SPATA21: variants seen among roughly 807,000 people sequenced by gnomAD.
The protein encoded by SPATA21 is spermatogenesis associated 21, also known as spermatogenesis-associated protein 21.
SPATA21 carries 47 observed loss-of-function variants against 54.8 expected under a neutral mutation model. The ratio of observed to expected loss-of-function variants is 0.86; its 90% CI spans 0.68 to 1.09. The LOEUF (loss-of-function observed/expected upper bound fraction) is 1.09, where lower values mean the gene tolerates loss of function less well. Among genes scored for constraint, SPATA21 ranks in the 50% least tolerant of loss-of-function variants. The pLI, the probability that SPATA21 is intolerant of heterozygous loss-of-function variation, is 0.00. For synonymous variants in SPATA21, 245 were observed against 235.3 expected, an observed-to-expected ratio of 1.04 and a Z score of -0.38; for missense variants, 599 against 596.4, an observed-to-expected ratio of 1.00 and a Z score of -0.05.
intron 5 of SPATA21, among the ~76,000 whole-genome samples, chr1:16,420,197 T>C (rs75199830): frequency 0.031 from 4,683 of 152,018 alleles, 213 homozygotes; most frequent in African/African-American, 0.1. Flanking sequence ...TCTTCTGCTG[T>C]TGCGAGGTGG....
At chr1:16,422,445 G>A (rs2086199004) in intron 3 of SPATA21, among the ~76,000 whole-genome samples, 1 of 152,036 alleles carries the variant, frequency 6.6e-6, no homozygotes, top group Admixed American at 6.6e-5. Context: ...TATGGGAGTG[G>A]AATGAGAGCC....
In SPATA21 at chr1:16,400,951, C is replaced by G; in HGVS notation, c.1002-59G>C. The G allele has an allele frequency of 9.0e-6, 14 of 1,562,302 alleles. No individual in the cohort carries two copies. In the South Asian group the frequency reaches 1.7e-4, roughly 19 times the overall value. On this transcript the variant is annotated intron_variant, in intron 10 of 12. Transcript: ENST00000335496. ...CTGTGTTTAATTCACCCTTCTCCTC[C>G]TCAGCCCCTATCTCTCTGGCCAGCT...
In SPATA21 at chr1:16,404,129, TG is replaced by T. The variant is rs2085552672; in HGVS notation, c.812-91del. 6 of 1,097,370 alleles carry T rather than the reference TG, an allele frequency of 5.5e-6. No homozygotes were observed. In the Admixed American group the frequency reaches 1.2e-4, roughly 22 times the overall value. The allele number at this position is 1,097,370 out of a possible 1,614,324, so 68.0% of individuals were successfully genotyped here. On this transcript the variant is annotated intron_variant, in intron 8 of 12. Transcript: ENST00000335496. ...GGCGTGGTTATTAGAAGTCACTGTC[TG>T]GGTCTGATTATCAAGCAGTGCATAC...
At chr1:16,424,232 G>C (rs1264384143) in intron 3 of SPATA21, among the ~76,000 whole-genome samples, 2 of 115,622 alleles carry the variant, frequency 1.7e-5, no homozygotes, top group Admixed American at 9.2e-5. Context: ...AGAATGGCAT[G>C]AACCTGGGAG....
chr1:16,427,078 A>C (rs2086344089), intron 3 of SPATA21, among the ~76,000 whole-genome samples: 1 of 152,184 alleles, frequency 6.6e-6, no homozygotes, highest in South Asian at 2.1e-4. Flanking sequence ...ATAATGTGAC[A>C]GTGAAAGTCT....
chr1:16,421,895 C>T lies in SPATA21; in HGVS notation c.95+16G>A. 6.2e-7 allele frequency: 1 copy of T among 1,614,204 alleles called. No homozygotes were observed. The highest frequency in any genetic ancestry group is 8.5e-7 in the Non-Finnish European group (1 of 1,180,036). ...TCCTTGTTGGGGGCAGGGGATGGCA[C>T]TGGATGATGACTTACCCTCCTTTTG... On this transcript the variant is annotated intron_variant, in intron 4 of 12. Transcript: ENST00000335496. This position sits in a 1 kb window ranked among gnomAD's most constrained non-coding sequence, Gnocchi z 5.2.
At chr1:16,397,915 CAAG>C (rs533340330), downstream of SPATA21, 362 of 491,490 alleles carry the variant, frequency 7.4e-4, 1 homozygote, top group African/African-American at 6.8e-3. This position sits in a 1 kb window ranked among gnomAD's most constrained non-coding sequence, Gnocchi z 5.4. Context: ...AGCAGAGACT[CAAG>C]AAACCTCTGG....
intron 3 of SPATA21, among the ~76,000 whole-genome samples, chr1:16,426,446 A>C: frequency 6.8e-6 from 1 of 146,818 alleles, no homozygotes; most frequent in East Asian, 2.1e-4. Flanking sequence ...TTTTGTAGAG[A>C]TGGGGTTTCA....
At chr1:16,429,453 A>G (rs1263465817) in intron 3 of SPATA21, among the ~76,000 whole-genome samples, 1 of 149,998 alleles carries the variant, frequency 6.7e-6, no homozygotes, top group Non-Finnish European at 1.5e-5. Context: ...ATTGTATTGT[A>G]TTTTATTTAT....
chr1:16,409,719 G>T lies in SPATA21; in HGVS notation c.469C>A (p.Pro157Thr), dbSNP rs142573478. The change falls in exon 6 of 13, where the codon CCG becomes ACG. Residue 157 changes from proline (P) to threonine (T), a missense_variant. Transcript: ENST00000335496. This position sits in a 1 kb window ranked among gnomAD's most constrained non-coding sequence, Gnocchi z 4.1. ...GGGCAAGGCATGGAGGTGGGGACCG[G>T]GGCTCCCATGGGGGCAGGTTCTGGC... ...PGPEPAPMGA[P>T]VPTSMPCPVL... 1.2e-6 allele frequency: 2 copies of T among 1,612,280 alleles called. No homozygotes were observed. The highest frequency in any genetic ancestry group is 1.7e-6 in the Non-Finnish European group (2 of 1,179,672).
intron 7 of SPATA21, among the ~76,000 whole-genome samples, chr1:16,406,582 A>G (rs2100800533): frequency 6.6e-6 from 1 of 151,958 alleles, no homozygotes; most frequent in African/African-American, 2.4e-5. Flanking sequence ...CTCTACAAAA[A>G]ATTTTAGAAA....
At position 16,398,707 on chromosome 1, in the gene SPATA21, T is replaced by C; in HGVS notation, c.*58A>G. The C allele has an allele frequency of 6.3e-7, 1 of 1,591,706 alleles. No homozygotes were observed. Among genetic ancestry groups the C allele is most frequent in the East Asian group, 2.2e-5 (1 of 44,696 alleles). ...GCAAATCCCAGCAGCAGCTCCTGCC[T>C]GGTGGCCCATCTGTCTACAGGCCTT... On this transcript the variant is annotated 3_prime_UTR_variant, in exon 13 of 13. Coordinates refer to ENST00000335496, the MANE Select transcript of SPATA21 (RefSeq NM_198546.1).
At chr1:16,411,137 G>T (rs558410128) in intron 5 of SPATA21, among the ~76,000 whole-genome samples, 1 of 151,996 alleles carries the variant, frequency 6.6e-6, no homozygotes, top group Non-Finnish European at 1.5e-5. Context: ...TATCAACTTC[G>T]CTTTCCCCAC....
chr1:16,405,595 A>C lies in SPATA21; in HGVS notation c.674-491T>G, dbSNP rs2100796807. On this transcript the variant is annotated intron_variant, in intron 7 of 12. Transcript: ENST00000335496. ...AGGATCCCTTGAGCCCAGGAGATCC[A>C]GGAAGCAGTGAGCCATGATCACACC... 1.3e-5 allele frequency among the ~76,000 whole-genome samples: 2 copies of C among 151,602 alleles called. 1 individual carries two copies. The highest frequency in any genetic ancestry group is 4.2e-4 in the South Asian group (2 of 4,788).
In SPATA21 at chr1:16,421,048, A is replaced by G. The variant is rs1312473745; in HGVS notation, c.144+461T>C. 6.6e-6 allele frequency among the ~76,000 whole-genome samples: 1 copy of G among 152,226 alleles called. No homozygotes were observed. Among genetic ancestry groups the G allele is most frequent in the East Asian group, 1.9e-4 (1 of 5,176 alleles). On this transcript the variant is annotated intron_variant, in intron 5 of 12. Transcript: ENST00000335496. The surrounding 1 kb of genome is among the most constrained non-coding windows in gnomAD (Gnocchi z 5.2). The stretch of plus-strand genomic sequence containing the variant: ...CAGGGCAGATGCTGGCAGGGCATGC[A>G]TGCTAGTGACTGTGTATTTGCAGGT...
chr1:16,431,315 C>T (rs770603441), intron 3 of SPATA21, 23 bp downstream of exon 3: 9 of 1,614,130 alleles, frequency 5.6e-6, no homozygotes, highest in South Asian at 5.5e-5. Flanking sequence ...GACTTGGCTG[C>T]GTCCCTGGAG....
At chr1:16,413,810 G>A (rs778176514) in intron 5 of SPATA21, among the ~76,000 whole-genome samples, 11 of 151,662 alleles carry the variant, frequency 7.3e-5, no homozygotes, top group African/African-American at 1.5e-4. Flanking sequence ...AGAGGGTTTC[G>A]CTATATTGGC....
chr1:16,415,146 G>GA (rs2085965055), intron 5 of SPATA21, among the ~76,000 whole-genome samples: 1 of 152,174 alleles, frequency 6.6e-6, no homozygotes, highest in African/African-American at 2.4e-5. Context: ...AGAAGAGCCT[G>GA]GGCAACATGG....
At chr1:16,406,436 A>T (rs1157860970) in intron 7 of SPATA21, among the ~76,000 whole-genome samples, 1 of 152,226 alleles carries the variant, frequency 6.6e-6, no homozygotes, top group Non-Finnish European at 1.5e-5. Context: ...ATCCAACTGG[A>T]GTCCTCATAC....
Sources: allele counts gnomAD v4.1 joint callset (sites outside exome capture counted in the v4.1 genomes callset), GRCh38; gene constraint gnomAD v4.1.1; non-coding constraint Gnocchi (gnomAD v3.1); transcripts MANE v1.5; gene names NCBI Gene and HGNC (gene_info 2026-07-23, HGNC 2026-07-21).